FOXN3: variants seen among roughly 807,000 people sequenced by gnomAD.
FOXN3 encodes the protein forkhead box protein N3.
FOXN3 carries 7 observed loss-of-function variants against 38.4 expected under a neutral mutation model. The observed-to-expected ratio is 0.18, with a 90% CI of 0.10 to 0.34. The LOEUF (loss-of-function observed/expected upper bound fraction) is 0.34, where lower values mean the gene tolerates loss of function less well. Among genes scored for constraint, FOXN3 ranks in the 10% least tolerant of loss-of-function variants. FOXN3 has a pLI of 1.00. For missense variants in FOXN3, 456 were observed against 613.4 expected (o/e 0.74, Z 2.71); for synonymous variants, 230 against 242.2 (o/e 0.95, Z 0.47).
intron 3 of FOXN3, among the ~76,000 whole-genome samples, chr14:89,302,779 T>A (rs993898641): frequency 4.6e-5 from 7 of 152,176 alleles, no homozygotes; most frequent in Non-Finnish European, 8.8e-5. Context: ...CTCCCTTTCA[T>A]CTGCCCTTCT....
At chr14:89,470,767 C>T (rs374237285) in intron 1 of FOXN3, among the ~76,000 whole-genome samples, 65 of 152,284 alleles carry the variant, frequency 4.3e-4, no homozygotes, top group African/African-American at 1.5e-3. Context: ...GTCCCAAGCA[C>T]GGAGATTTTC....
chr14:89,586,449 C>T (rs958518334), intron 1 of FOXN3, among the ~76,000 whole-genome samples: 1 of 152,138 alleles, frequency 6.6e-6, no homozygotes, highest in Admixed American at 6.5e-5. Context: ...GAAGCTGATG[C>T]GGTCTCCTGT....
At chr14:89,383,052 T>C (rs1890701654) in intron 2 of FOXN3, among the ~76,000 whole-genome samples, 1 of 149,230 alleles carries the variant, frequency 6.7e-6, no homozygotes, top group African/African-American at 2.5e-5. Context: ...TTTTTTTTTT[T>C]TTCCTTTTTT....
At chr14:89,547,454 T>G (rs1275534140) in intron 1 of FOXN3, among the ~76,000 whole-genome samples, 1 of 151,204 alleles carries the variant, frequency 6.6e-6, no homozygotes, top group East Asian at 2.0e-4. Flanking sequence ...GTTGTTTGTT[T>G]TTTGTGGGGT....
chr14:89,281,576 C>T (rs1026150676), intron 3 of FOXN3, among the ~76,000 whole-genome samples: 1 of 152,140 alleles, frequency 6.6e-6, no homozygotes, highest in Non-Finnish European at 1.5e-5. Context: ...ACTCCATACC[C>T]TATAAAACAT....
intron 4 of FOXN3, among the ~76,000 whole-genome samples, chr14:89,276,494 G>A (rs1220467479): frequency 6.6e-6 from 1 of 152,046 alleles, no homozygotes; most frequent in Non-Finnish European, 1.5e-5. Context: ...AAAACCAGTG[G>A]TTTCATCTGT....
chr14:89,236,372 G>A (rs773293432), intron 4 of FOXN3, among the ~76,000 whole-genome samples: 10 of 152,170 alleles, frequency 6.6e-5, no homozygotes, highest in Admixed American at 2.6e-4. Context: ...AAAATTAGCC[G>A]GGTGTAGAGG....
chr14:89,511,275 CTTTCTTTCTTT>C (rs1894084863), intron 1 of FOXN3, among the ~76,000 whole-genome samples: 1 of 63,698 alleles, frequency 1.6e-5, no homozygotes, highest in Non-Finnish European at 3.7e-5. Flanking sequence ...TTCTTTCTTT[CTTTCTTTCTTT>C]CTTTCTTTCT....
chr14:89,403,812 C>T (rs1891312570), intron 2 of FOXN3, among the ~76,000 whole-genome samples: 1 of 152,160 alleles, frequency 6.6e-6, no homozygotes. Flanking sequence ...TCAGACAGAC[C>T]CCTATCCAGG....
chr14:89,446,598 A>G (rs1324844313), intron 1 of FOXN3, among the ~76,000 whole-genome samples: 2 of 152,228 alleles, frequency 1.3e-5, no homozygotes, highest in African/African-American at 4.8e-5. Context: ...CTGTAAATAC[A>G]CTTAGTACTC....
intron 1 of FOXN3, among the ~76,000 whole-genome samples, chr14:89,529,675 G>A (rs1894514007): frequency 6.6e-6 from 1 of 151,832 alleles, no homozygotes; most frequent in African/African-American, 2.4e-5. Flanking sequence ...CTGATTAACT[G>A]AATATTCTAG....
intron 1 of FOXN3, among the ~76,000 whole-genome samples, chr14:89,554,954 GGT>G (rs1491539289): frequency 6.6e-6 from 1 of 151,562 alleles, no homozygotes; most frequent in Non-Finnish European, 1.5e-5. Flanking sequence ...ATGCCTGGCT[GGT>G]TTTTTTGTAT....
intron 1 of FOXN3, among the ~76,000 whole-genome samples, chr14:89,510,369 G>A (rs964048317): frequency 6.6e-6 from 1 of 152,206 alleles, no homozygotes; most frequent in African/African-American, 2.4e-5. Flanking sequence ...TCTTATGACA[G>A]CCACAGAACC....
At chr14:89,383,934 T>A (rs1890726426) in intron 2 of FOXN3, among the ~76,000 whole-genome samples, 1 of 151,578 alleles carries the variant, frequency 6.6e-6, no homozygotes, top group Non-Finnish European at 1.5e-5. Context: ...GAATTACAGG[T>A]GCCCACCACC....
intron 1 of FOXN3, among the ~76,000 whole-genome samples, chr14:89,502,459 T>C (rs1405954761): frequency 1.3e-5 from 2 of 152,236 alleles, no homozygotes; most frequent in Non-Finnish European, 2.9e-5. Flanking sequence ...AAATAGATCA[T>C]TTTTATAAAA....
chr14:89,404,194 C>T (rs551101906), intron 2 of FOXN3, among the ~76,000 whole-genome samples: 6 of 152,156 alleles, frequency 3.9e-5, no homozygotes, highest in South Asian at 2.1e-4. Context: ...GAAGAAGGAA[C>T]GAACAGTCTG....
At chr14:89,566,235 C>T (rs980010714) in intron 1 of FOXN3, among the ~76,000 whole-genome samples, 1 of 152,128 alleles carries the variant, frequency 6.6e-6, no homozygotes, top group Admixed American at 6.5e-5. Context: ...AAATGACACC[C>T]TTTCATTACT....
chr14:89,564,119 T>C (rs1895301613), intron 1 of FOXN3, among the ~76,000 whole-genome samples: 1 of 152,020 alleles, frequency 6.6e-6, no homozygotes, highest in Admixed American at 6.6e-5. Context: ...CCTCCCAAAG[T>C]GCTAGGATTA....
At position 89,617,731 on chromosome 14, in the gene FOXN3, T is replaced by C. The variant is rs1044521084; in HGVS notation, c.-15+1297A>G. Among the ~76,000 whole-genome samples the C allele has an allele frequency of 7.2e-5, 11 of 152,324 alleles. No homozygotes were observed. In the Middle Eastern group the frequency reaches 0.01, roughly 141 times the overall value. ...TGTCACCAAAATGGCCTACTTTATG[T>C]GGATAGAAACAACAACAAAAAATTA... On this transcript the variant is annotated intron_variant, in intron 1 of 6. Transcript: ENST00000345097.
Sources: gnomAD v4.1 joint callset for allele counts (sites outside exome capture counted in the v4.1 genomes callset) on GRCh38, gnomAD v4.1.1 for gene constraint, MANE v1.5 for transcripts, NCBI Gene and HGNC (gene_info 2026-07-23, HGNC 2026-07-21) for gene names.